SLBP: variants seen among roughly 807,000 people sequenced by gnomAD.
SLBP encodes the protein histone RNA hairpin-binding protein.
In SLBP, 29 loss-of-function variants were observed where a neutral mutation model predicts 39.2. The ratio of observed to expected loss-of-function variants is 0.74; its 90% CI spans 0.55 to 1.01. SLBP has a LOEUF of 1.01. Ranked by LOEUF, SLBP falls within the 50% of genes least tolerant of loss-of-function variation. SLBP has a pLI of 0.00. For synonymous variants in SLBP, 129 were observed against 118.7 expected (o/e 1.09, Z -0.57); for missense variants, 390 against 350.2 (o/e 1.11, Z -0.91).
rs1442092973 is a variant in SLBP, at chr4:1,693,264, G to C, written c.*333C>G. On this transcript the variant is annotated 3_prime_UTR_variant, in exon 8 of 8. Transcript: ENST00000489418. ...AAATCCAAAACAGTCCACCTGACAA[G>C]CAATAACTGAAGATGCCTGTGGAAA... 4.6e-6 allele frequency: 1 copy of C among 218,830 alleles called. No homozygotes were observed. The highest frequency in any genetic ancestry group is 9.2e-6 in the Non-Finnish European group (1 of 108,254). The allele number at this position is 218,830 out of a possible 1,614,324, so 13.6% of individuals were successfully genotyped here.
In SLBP at chr4:1,699,645, C is replaced by T; in HGVS notation, c.398G>A (p.Ser133Asn). 6.2e-7 allele frequency: 1 copy of T among 1,613,584 alleles called. No homozygotes were observed. The highest frequency in any genetic ancestry group is 1.1e-5 in the South Asian group (1 of 91,088). The change falls in exon 5 of 8, where the codon AGT (serine) becomes AAT (asparagine). Residue 133 changes from serine to asparagine, a missense_variant. Ser to Asn is a conservative substitution (Grantham distance 46, BLOSUM62 1). Transcript: ENST00000489418. ...TVPADFETDESVLMRRQKQIN... is the reference protein window; with the variant it reads ...TVPADFETDENVLMRRQKQIN... ...CTGCTTCTGTCTCCTCATTAGGACACTTTCATCTGTCTCAAAGTCAGCCGG... is the reference window on the plus strand; with the variant it reads ...CTGCTTCTGTCTCCTCATTAGGACATTTTCATCTGTCTCAAAGTCAGCCGG...
At chr4:1,709,485 C>T (rs1222738559) in intron 2 of SLBP, among the ~76,000 whole-genome samples, 4 of 152,288 alleles carry the variant, frequency 2.6e-5, no homozygotes, top group East Asian at 1.9e-4. Flanking sequence ...TAGTTAAGCC[C>T]GCTCCCACTA....
chr4:1,705,003 C>T (rs563068876), intron 2 of SLBP, among the ~76,000 whole-genome samples: 4 of 152,176 alleles, frequency 2.6e-5, no homozygotes, highest in African/African-American at 9.6e-5. Flanking sequence ...TCTCAGCTCA[C>T]TGCAACCTCT....
intron 5 of SLBP, among the ~76,000 whole-genome samples, chr4:1,698,733 C>T (rs1192162899): frequency 6.6e-6 from 1 of 151,872 alleles, no homozygotes; most frequent in Non-Finnish European, 1.5e-5. Context: ...ATCCGCACTC[C>T]TCGGCCTCCC....
chr4:1,704,929 T>G (rs1369042668), intron 2 of SLBP, among the ~76,000 whole-genome samples: 1 of 151,780 alleles, frequency 6.6e-6, no homozygotes, highest in East Asian at 1.9e-4. Context: ...ACCCATTCTT[T>G]TTTTTTTTTC....
intron 3 of SLBP, among the ~76,000 whole-genome samples, chr4:1,701,360 T>C (rs1391146773): frequency 6.6e-6 from 1 of 152,034 alleles, no homozygotes; most frequent in Non-Finnish European, 1.5e-5. Flanking sequence ...TTCGTCAGGC[T>C]GGTCTCGAAC....
At chr4:1,696,578 TA>T (rs999343638) in intron 5 of SLBP, among the ~76,000 whole-genome samples, 1 of 151,018 alleles carries the variant, frequency 6.6e-6, no homozygotes, top group Non-Finnish European at 1.5e-5. Flanking sequence ...CGTCTCTATT[TA>T]AAAAAAACAA....
chr4:1,701,904 C>T (rs1201733257), intron 3 of SLBP, among the ~76,000 whole-genome samples: 1 of 152,110 alleles, frequency 6.6e-6, no homozygotes, highest in African/African-American at 2.4e-5. Flanking sequence ...AAGACTCCAT[C>T]TCAAAAAAAT....
intron 2 of SLBP, among the ~76,000 whole-genome samples, chr4:1,707,646 A>T (rs1015546107): frequency 6.6e-6 from 1 of 152,152 alleles, no homozygotes; most frequent in African/African-American, 2.4e-5. Flanking sequence ...ATCACTACTG[A>T]CATTAAAACT....
chr4:1,699,368 A>T lies in SLBP; in HGVS notation c.479+196T>A, dbSNP rs947656760. Among the ~76,000 whole-genome samples the T allele has an allele frequency of 2.0e-4, 31 of 152,250 alleles. 1 individual carries two copies. Among genetic ancestry groups the T allele is most frequent in the African/African-American group, 7.2e-4 (30 of 41,474 alleles). ...TCAAAATTATATGAAAATGATTTTT[A>T]AAATCTTCATGTCTTTAGTTTTCCA... On this transcript the variant is annotated intron_variant, in intron 5 of 7. Transcript: ENST00000489418.
chr4:1,707,075 C>T (rs1372704269), intron 2 of SLBP, among the ~76,000 whole-genome samples: 4 of 149,988 alleles, frequency 2.7e-5, no homozygotes, highest in Non-Finnish European at 4.4e-5. Flanking sequence ...AAAAATTAGC[C>T]GGGCGCGGTG....
At chr4:1,697,361 C>T (rs147041193) in intron 5 of SLBP, among the ~76,000 whole-genome samples, 2,534 of 151,122 alleles carry the variant, frequency 0.017, 94 homozygotes, top group African/African-American at 0.057. Flanking sequence ...CCCAGCTACT[C>T]GGGAGGCTGA....
chr4:1,700,464 C>T (rs1232447131), intron 3 of SLBP, among the ~76,000 whole-genome samples: 3 of 145,208 alleles, frequency 2.1e-5, no homozygotes, highest in South Asian at 4.3e-4. Context: ...ATTACCAGAA[C>T]GCAGTTTTGC....
At chr4:1,708,651 A>G (rs983842976) in intron 2 of SLBP, among the ~76,000 whole-genome samples, 3 of 152,222 alleles carry the variant, frequency 2.0e-5, no homozygotes, top group African/African-American at 7.2e-5. Flanking sequence ...TACATGCCAT[A>G]TTTTGGTATC....
chr4:1,709,313 G>A (rs186636477), intron 2 of SLBP, among the ~76,000 whole-genome samples: 1 of 152,264 alleles, frequency 6.6e-6, no homozygotes, highest in East Asian at 1.9e-4. Flanking sequence ...ATATGGCACA[G>A]TAAGTTGTGA....
intron 5 of SLBP, among the ~76,000 whole-genome samples, chr4:1,697,747 G>A (rs1716167047): frequency 6.6e-6 from 1 of 152,076 alleles, no homozygotes; most frequent in South Asian, 2.1e-4. Context: ...GGGAGGCTGA[G>A]GCAGGAGAAT....
intron 3 of SLBP, among the ~76,000 whole-genome samples, chr4:1,701,202 A>G (rs955682949): frequency 2.8e-5 from 4 of 143,070 alleles, no homozygotes; most frequent in Admixed American, 1.5e-4. Flanking sequence ...CTGGAGTGCA[A>G]TGGCGAGATC....
rs1442658293 is a variant in SLBP at position 1,696,262 on chromosome 4, C to G, written c.569G>C (p.Trp190Ser). 1 of 1,605,114 alleles carries G rather than the reference C, an allele frequency of 6.2e-7. No homozygotes were observed. The highest frequency in any genetic ancestry group is 8.5e-7 in the Non-Finnish European group (1 of 1,176,610). Residue 190 changes from tryptophan to serine, a missense_variant, in exon 6 of 8, where the codon TGG becomes TCG. Physicochemically the swap from Trp to Ser is radical, Grantham distance 177 (BLOSUM62 -3). Transcript: ENST00000489418. ...RRSWDQQIKL[W>S]KVALHFWDPP... Reference sequence around the variant, plus strand: ...ATCCCAAAAATGCAGAGCCACCTTCCAGAGTTTGATTTGCTGGTCCCATGA... The same window carrying G: ...ATCCCAAAAATGCAGAGCCACCTTCGAGAGTTTGATTTGCTGGTCCCATGA...
chr4:1,712,197 G>C lies in SLBP; in HGVS notation c.-9C>G. 1.6e-6 allele frequency: 2 copies of C among 1,244,826 alleles called. No individual in the cohort carries two copies. The highest frequency in any genetic ancestry group is 1.0e-6 in the Non-Finnish European group (1 of 998,734). The allele number at this position is 1,244,826 out of a possible 1,614,324, so 77.1% of individuals were successfully genotyped here. ...CGCGGGCGGCAGGCCATGGCAGCACGGGCCGGGCGCGCAGCGCAGGGCCGA... is the reference window on the plus strand; with the variant it reads ...CGCGGGCGGCAGGCCATGGCAGCACCGGCCGGGCGCGCAGCGCAGGGCCGA... On this transcript the variant is annotated 5_prime_UTR_variant, in exon 1 of 8. Transcript: ENST00000489418.
Sources: gnomAD v4.1 joint callset for allele counts (sites outside exome capture counted in the v4.1 genomes callset) on GRCh38, gnomAD v4.1.1 for gene constraint, MANE v1.5 for transcripts, NCBI Gene and HGNC (gene_info 2026-07-23, HGNC 2026-07-21) for gene names.